The following PAPPA2 variants were observed in gnomAD, a reference collection of about 807,000 sequenced individuals.
PAPPA2 encodes the protein pappalysin 2.
Under a neutral mutation model 176.4 loss-of-function variants are expected in PAPPA2, and 86 were observed. The ratio of observed to expected loss-of-function variants is 0.49; its 90% CI spans 0.41 to 0.58. The LOEUF is 0.58. Among genes scored for constraint, PAPPA2 ranks in the 20% least tolerant of loss-of-function variants. The pLI is 0.00. For synonymous variants in PAPPA2, 809 were observed against 852.2 expected, an observed-to-expected ratio of 0.95 and a Z score of 0.88; for missense variants, 2,073 against 2,256.9, an observed-to-expected ratio of 0.92 and a Z score of 1.65.
intron 3 of PAPPA2, among the ~76,000 whole-genome samples, chr1:176,629,880 G>C (rs1407995350): frequency 6.6e-6 from 1 of 152,122 alleles, no homozygotes; most frequent in Non-Finnish European, 1.5e-5. Flanking sequence ...CTAGGAAGAA[G>C]GGGAGAGAAG....
chr1:176,593,118 T>A (rs1653758297), intron 2 of PAPPA2, among the ~76,000 whole-genome samples: 1 of 152,206 alleles, frequency 6.6e-6, no homozygotes, highest in Non-Finnish European at 1.5e-5. Flanking sequence ...GGAAATATTT[T>A]TGCTAAAAAG....
At chr1:176,628,552 A>T (rs1656163804) in intron 3 of PAPPA2, among the ~76,000 whole-genome samples, 1 of 152,130 alleles carries the variant, frequency 6.6e-6, no homozygotes, top group Non-Finnish European at 1.5e-5. Flanking sequence ...GCCTTTTGTG[A>T]GTGTTTGTAT....
intron 21 of PAPPA2, among the ~76,000 whole-genome samples, chr1:176,828,853 A>G (rs1666961251): frequency 6.6e-6 from 1 of 151,994 alleles, no homozygotes. Flanking sequence ...AATACAAAAA[A>G]TTAGCTGGGC....
intron 3 of PAPPA2, among the ~76,000 whole-genome samples, chr1:176,626,227 A>G (rs531438379): frequency 1.3e-5 from 2 of 152,196 alleles, no homozygotes; most frequent in African/African-American, 4.8e-5. Context: ...AATTTTTCTG[A>G]TAATAATTTC....
chr1:176,794,670 A>G (rs1003954167), intron 20 of PAPPA2, among the ~76,000 whole-genome samples: 5 of 152,322 alleles, frequency 3.3e-5, no homozygotes, highest in East Asian at 1.9e-4. Context: ...ACCTCTGACA[A>G]CAGAAGCAAT....
chr1:176,800,202 C>T (rs1665622815), intron 21 of PAPPA2, 70 bp downstream of exon 21: 1 of 1,502,084 alleles, frequency 6.7e-7, no homozygotes, highest in Admixed American at 1.7e-5. Context: ...GAGCTTGAAT[C>T]CTTCTAATTT....
intron 2 of PAPPA2, among the ~76,000 whole-genome samples, chr1:176,565,788 T>A (rs1414505773): frequency 9.3e-6 from 1 of 107,922 alleles, no homozygotes; most frequent in Non-Finnish European, 2.3e-5. Flanking sequence ...TGGAGAAATC[T>A]GCCATTGTTG....
intron 21 of PAPPA2, among the ~76,000 whole-genome samples, chr1:176,825,765 G>A (rs1041128375): frequency 6.6e-6 from 1 of 152,152 alleles, no homozygotes; most frequent in Non-Finnish European, 1.5e-5. Flanking sequence ...AGTTGAGCAA[G>A]GTAAATGGTA....
intron 3 of PAPPA2, among the ~76,000 whole-genome samples, chr1:176,603,142 C>A (rs966662595): frequency 2.6e-5 from 4 of 152,348 alleles, no homozygotes; most frequent in African/African-American, 9.6e-5. Flanking sequence ...AGACCCCAGT[C>A]TCCAAATACA....
chr1:176,806,014 A>AG (rs1160800152), intron 21 of PAPPA2, among the ~76,000 whole-genome samples: 1 of 150,382 alleles, frequency 6.6e-6, no homozygotes. Flanking sequence ...AAAAAAAAAA[A>AG]GGAAGCAATT....
chr1:176,665,740 G>A (rs1301410524), intron 3 of PAPPA2, among the ~76,000 whole-genome samples: 3 of 152,126 alleles, frequency 2.0e-5, no homozygotes, highest in Admixed American at 6.6e-5. Flanking sequence ...GTATTTAACC[G>A]AAACTCAACC....
intron 1 of PAPPA2, among the ~76,000 whole-genome samples, chr1:176,504,708 T>A (rs1648157890): frequency 6.6e-6 from 1 of 152,174 alleles, no homozygotes; most frequent in South Asian, 2.1e-4. Context: ...CTTTATATTC[T>A]TGGCTTATTA....
chr1:176,771,904 C>T (rs1229965764), intron 17 of PAPPA2, among the ~76,000 whole-genome samples: 1 of 152,168 alleles, frequency 6.6e-6, no homozygotes, highest in Non-Finnish European at 1.5e-5. Context: ...CCTTTATCAG[C>T]TGAGTAACCT....
intron 4 of PAPPA2, among the ~76,000 whole-genome samples, chr1:176,675,416 A>C (rs1411294669): frequency 6.6e-6 from 1 of 152,128 alleles, no homozygotes; most frequent in Non-Finnish European, 1.5e-5. Flanking sequence ...GTAAAAATAG[A>C]TGAAAATGCA....
intron 3 of PAPPA2, among the ~76,000 whole-genome samples, chr1:176,650,192 A>G (rs898327575): frequency 6.6e-6 from 1 of 151,316 alleles, no homozygotes; most frequent in African/African-American, 2.4e-5. Flanking sequence ...TAGTATATTT[A>G]ATCTGAAATA....
chr1:176,692,061 C>G, intron 5 of PAPPA2, 65 bp from the exon 6 acceptor site: 1 of 1,459,370 alleles, frequency 6.9e-7, no homozygotes, highest in Non-Finnish European at 9.4e-7. Context: ...CAAATTTATC[C>G]CTGCCTTGGT....
At chr1:176,760,302 A>C (rs1318833260) in intron 14 of PAPPA2, among the ~76,000 whole-genome samples, 2 of 152,194 alleles carry the variant, frequency 1.3e-5, no homozygotes, top group Non-Finnish European at 2.9e-5. Flanking sequence ...TCTTTTTGAT[A>C]ATTTGAGTTT....
chr1:176,686,917 A>T (rs1370482638), intron 4 of PAPPA2, among the ~76,000 whole-genome samples: 1 of 152,204 alleles, frequency 6.6e-6, no homozygotes, highest in East Asian at 1.9e-4. Context: ...AAGTTCTTCT[A>T]GTTCTAGTCC....
chr1:176,640,134 T>A (rs1025389998), intron 3 of PAPPA2, among the ~76,000 whole-genome samples: 1 of 151,150 alleles, frequency 6.6e-6, no homozygotes, highest in African/African-American at 2.4e-5. Context: ...TATTTTTATT[T>A]TTTTCAAAAG....
Sources: allele counts gnomAD v4.1 joint callset (sites outside exome capture counted in the v4.1 genomes callset), GRCh38; gene constraint gnomAD v4.1.1; transcripts MANE v1.5; gene names NCBI Gene and HGNC (gene_info 2026-07-23, HGNC 2026-07-21).